SCNN1B: variants seen among roughly 807,000 people sequenced by gnomAD.
SCNN1B encodes the protein epithelial sodium channel subunit beta.
A neutral mutation model predicts 65.3 loss-of-function variants in SCNN1B; 46 were observed. That is an observed-to-expected ratio of 0.70 (90% CI 0.56 to 0.90). The LOEUF (loss-of-function observed/expected upper bound fraction) is 0.90. SCNN1B is among the 40% of genes least tolerant of loss of function. SCNN1B has a pLI of 0.00. For synonymous variants in SCNN1B, 349 were observed against 330.6 expected (o/e 1.06, Z -0.60); for missense variants, 751 against 830.5 (o/e 0.90, Z 1.18).
chr16:23,351,671 G>A (rs1046564629), intron 2 of SCNN1B, among the ~76,000 whole-genome samples: 4 of 152,226 alleles, frequency 2.6e-5, no homozygotes, highest in African/African-American at 9.7e-5. Context: ...CTTTGAGGCA[G>A]GGTCTTGGGT....
chr16:23,359,607 CCT>C (rs1319070494), intron 4 of SCNN1B, among the ~76,000 whole-genome samples: 1 of 152,070 alleles, frequency 6.6e-6, no homozygotes, highest in Non-Finnish European at 1.5e-5. Context: ...CTGCTTCCTC[CCT>C]CTCTCTCTGA....
chr16:23,298,793 C>T (rs967155937), upstream of SCNN1B, among the ~76,000 whole-genome samples: 2 of 152,212 alleles, frequency 1.3e-5, no homozygotes, highest in Non-Finnish European at 2.9e-5. Flanking sequence ...GTTGCTTAAA[C>T]ATTCATGCCT....
upstream of SCNN1B, among the ~76,000 whole-genome samples, chr16:23,301,427 GAGAA>G (rs1961082198): frequency 1.4e-5 from 2 of 146,280 alleles, no homozygotes; most frequent in Admixed American, 6.6e-5. Flanking sequence ...GAGAGAGAGA[GAGAA>G]AGAAAGGAAA....
At chr16:23,337,405 C>A (rs958723138) in intron 1 of SCNN1B, among the ~76,000 whole-genome samples, 2 of 143,032 alleles carry the variant, frequency 1.4e-5, no homozygotes, top group African/African-American at 5.3e-5. Flanking sequence ...TGGAGTTTCA[C>A]TCTTGTCGTC....
Position 23,380,888 on chromosome 16 carries a change from A to C in SCNN1B, c.*87A>C. The C allele has an allele frequency of 2.1e-6, 3 of 1,441,808 alleles. No individual in the cohort carries two copies. The highest frequency in any genetic ancestry group is 2.9e-6 in the Non-Finnish European group (3 of 1,028,470). 89.3% of individuals were successfully genotyped at this position (1,441,808 alleles called of 1,614,324 possible). A position where few individuals can be genotyped will look rare whatever the true frequency, so the allele number is the denominator to read the frequency against. On this transcript the variant is annotated 3_prime_UTR_variant, in exon 13 of 13. Coordinates refer to ENST00000343070, the MANE Select transcript of SCNN1B (RefSeq NM_000336.3). The surrounding 1 kb of genome is among the most constrained non-coding windows in gnomAD (Gnocchi z 5.4). ...GCCTCACTGTATGGTGCCCTCTCCAAAGGGTCGGGAGGGTAGCTCTCCAGG... is the reference window on the plus strand; with the variant it reads ...GCCTCACTGTATGGTGCCCTCTCCACAGGGTCGGGAGGGTAGCTCTCCAGG...
chr16:23,344,919 G>A (rs1054243677), intron 1 of SCNN1B, among the ~76,000 whole-genome samples: 1 of 152,166 alleles, frequency 6.6e-6, no homozygotes, highest in African/African-American at 2.4e-5. Flanking sequence ...ACCTGAGCCC[G>A]GGAGGTGGAG....
At chr16:23,330,585 G>T (rs79897539) in intron 1 of SCNN1B, among the ~76,000 whole-genome samples, 2,992 of 152,132 alleles carry the variant, frequency 0.02, 94 homozygotes, top group African/African-American at 0.066. Context: ...TTTTTTGGGT[G>T]GTTTTAGACC....
chr16:23,341,638 T>G (rs1962056894), intron 1 of SCNN1B, among the ~76,000 whole-genome samples: 1 of 152,086 alleles, frequency 6.6e-6, no homozygotes, highest in African/African-American at 2.4e-5. Context: ...AGTTAAAAAA[T>G]GATGAAGGAT....
At chr16:23,322,916 C>T (rs1021672496) in intron 1 of SCNN1B, among the ~76,000 whole-genome samples, 2 of 151,832 alleles carry the variant, frequency 1.3e-5, no homozygotes, top group African/African-American at 4.8e-5. Flanking sequence ...CGGTGGCTCA[C>T]GCCTGTAATC....
chr16:23,318,316 T>C (rs771730561), intron 1 of SCNN1B, among the ~76,000 whole-genome samples: 16 of 152,102 alleles, frequency 1.1e-4, no homozygotes, highest in Admixed American at 1.3e-4. Context: ...AACAGGTGTA[T>C]ACTAATATGC....
At position 23,312,956 on chromosome 16, in the gene SCNN1B, T is replaced by A. The variant is rs192928789; in HGVS notation, c.-9+10519T>A. Among the ~76,000 whole-genome samples the A allele has an allele frequency of 4.6e-5, 7 of 152,322 alleles. No homozygotes were observed. The East Asian group carries it at 1.4e-3, about 29-fold the overall frequency. ...TTGGGTGGGAAGGCAGAAGATACTT[T>A]CTTTCCCAATACAAAGCAGTTCTCT... is the stretch of plus-strand genomic sequence containing the variant. On this transcript the variant is annotated intron_variant, in intron 1 of 12. Transcript: ENST00000343070.
At chr16:23,354,408 C>T (rs1001940127) in intron 3 of SCNN1B, among the ~76,000 whole-genome samples, 9 of 152,246 alleles carry the variant, frequency 5.9e-5, no homozygotes, top group Admixed American at 1.3e-4. Context: ...CTTCTCTATC[C>T]GGCTTCCCGG....
intron 2 of SCNN1B, among the ~76,000 whole-genome samples, chr16:23,290,582 C>T (rs1005596298): frequency 1.3e-5 from 2 of 152,212 alleles, no homozygotes; most frequent in Non-Finnish European, 2.9e-5. Flanking sequence ...GCCGGGATTA[C>T]AGGCACGAGC....
At chr16:23,326,455 T>C (rs1961699096) in intron 1 of SCNN1B, among the ~76,000 whole-genome samples, 1 of 152,078 alleles carries the variant, frequency 6.6e-6, no homozygotes, top group South Asian at 2.1e-4. Context: ...GGTTTTTTTG[T>C]TTTTTGTTTT....
chr16:23,338,296 CTCT>C (rs1961984857), intron 1 of SCNN1B, among the ~76,000 whole-genome samples: 1 of 152,168 alleles, frequency 6.6e-6, no homozygotes, highest in African/African-American at 2.4e-5. Flanking sequence ...TTCCCTAAAA[CTCT>C]TCTTCACTTT....
intron 4 of SCNN1B, among the ~76,000 whole-genome samples, chr16:23,360,579 G>T (rs8051071): frequency 0.06 from 8,650 of 143,548 alleles, 730 homozygotes; most frequent in African/African-American, 0.19. Flanking sequence ...TTTGTTGTTG[G>T]TGGTGGTGGT....
At chr16:23,379,164 C>T (rs560610596) in intron 11 of SCNN1B, among the ~76,000 whole-genome samples, 47 of 145,224 alleles carry the variant, frequency 3.2e-4, no homozygotes, top group South Asian at 1.3e-3. Flanking sequence ...CTCCCACCCA[C>T]GCAGCCAGCC....
chr16:23,380,191 T>C lies in SCNN1B; in HGVS notation c.1542+22T>C, dbSNP rs1963011398. ...TAACGTGAGTTTAGGAGTCTCCCAATACCCCAGCCCTGCCCTGCCCTGACC... is the reference window on the plus strand; with the variant it reads ...TAACGTGAGTTTAGGAGTCTCCCAACACCCCAGCCCTGCCCTGCCCTGACC... On this transcript the variant is annotated intron_variant, in intron 12 of 12. Transcript: ENST00000343070. The surrounding 1 kb of genome is among the most constrained non-coding windows in gnomAD (Gnocchi z 5.4). 2 of 1,600,464 alleles carry C rather than the reference T, an allele frequency of 1.2e-6. No individual in the cohort carries two copies. Among genetic ancestry groups the C allele is most frequent in the Non-Finnish European group, 1.7e-6 (2 of 1,167,838 alleles).
chr16:23,374,573 C>CA (rs1168924579), intron 7 of SCNN1B, among the ~76,000 whole-genome samples: 4,789 of 47,874 alleles, frequency 0.1, 355 homozygotes, highest in Non-Finnish European at 0.16. Flanking sequence ...GACTCCATCT[C>CA]AAAAAAAAAA....
Sources: allele counts gnomAD v4.1 joint callset (sites outside exome capture counted in the v4.1 genomes callset), GRCh38; gene constraint gnomAD v4.1.1; non-coding constraint Gnocchi (gnomAD v3.1); transcripts MANE v1.5; gene names NCBI Gene and HGNC (gene_info 2026-07-23, HGNC 2026-07-21).